The following RIMS2 variants were observed in gnomAD, a reference collection of about 807,000 sequenced individuals.
RIMS2 encodes the protein regulating synaptic membrane exocytosis protein 2.
A neutral mutation model predicts 174.4 loss-of-function variants in RIMS2; 59 were observed. The observed-to-expected ratio is 0.34, with a 90% CI of 0.27 to 0.42. RIMS2 has a LOEUF of 0.42. Ranked by LOEUF, RIMS2 falls within the 10% of genes least tolerant of loss-of-function variation. RIMS2 has a pLI of 1.00. For missense variants in RIMS2, 1,620 were observed against 1,666.3 expected (o/e 0.97, Z 0.48); for synonymous variants, 606 against 572.5 (o/e 1.06, Z -0.84).
intron 3 of RIMS2, among the ~76,000 whole-genome samples, chr8:103,883,593 T>TA (rs1326300979): frequency 6.6e-6 from 1 of 151,894 alleles, no homozygotes; most frequent in Non-Finnish European, 1.5e-5. Flanking sequence ...ATGTAAATGC[T>TA]AAAAAATATC....
At chr8:103,606,334 G>A (rs1351551391) in intron 1 of RIMS2, among the ~76,000 whole-genome samples, 2 of 151,048 alleles carry the variant, frequency 1.3e-5, no homozygotes, top group African/African-American at 4.9e-5. Flanking sequence ...TTAATCCTGA[G>A]TTCTAGTTTG....
intron 3 of RIMS2, among the ~76,000 whole-genome samples, chr8:103,846,464 C>T (rs898096848): frequency 6.6e-6 from 1 of 152,092 alleles, no homozygotes; most frequent in Admixed American, 6.6e-5. Flanking sequence ...AGTTTTTTCT[C>T]TTATCTATAT....
rs150126003 is a variant in RIMS2 at position 104,233,208 on chromosome 8, T to A, written c.3335-11708T>A. ...GTTTTTTCATATAGAGCATAATAAATTCCTCCTCAGAAGGACAACCTTAAA... is the reference window on the plus strand; with the variant it reads ...GTTTTTTCATATAGAGCATAATAAAATCCTCCTCAGAAGGACAACCTTAAA... On this transcript the variant is annotated intron_variant, in intron 19 of 23. Coordinates refer to ENST00000504942, the Ensembl canonical transcript of RIMS2. Among the ~76,000 whole-genome samples, 324 of 152,238 alleles carry A rather than the reference T, an allele frequency of 2.1e-3. 1 individual carries two copies. Among genetic ancestry groups the A allele is most frequent in the African/African-American group, 7.3e-3 (305 of 41,564 alleles).
At chr8:103,638,916 A>G (rs538647057) in intron 1 of RIMS2, among the ~76,000 whole-genome samples, 7 of 152,120 alleles carry the variant, frequency 4.6e-5, no homozygotes, top group African/African-American at 9.6e-5. Context: ...TTATTCATCT[A>G]TCATCTATCT....
At chr8:103,933,794 T>G (rs1291830569) in intron 12 of RIMS2, among the ~76,000 whole-genome samples, 1 of 152,240 alleles carries the variant, frequency 6.6e-6, no homozygotes, top group South Asian at 2.1e-4. Context: ...TATTTGTGGT[T>G]GACACAAGTT....
exon 4 of RIMS2, chr8:103,885,531 A>T (rs2099195225): frequency 1.2e-6 from 2 of 1,612,140 alleles, no homozygotes; most frequent in Non-Finnish European, 1.7e-6. Flanking sequence ...ATTGTAGATG[A>T]TGAGGATGTG....
Position 103,937,572 on chromosome 8 carries a change from T to C in RIMS2, c.2547+850T>C, listed in dbSNP as rs80254912. Among the ~76,000 whole-genome samples, 274 of 152,200 alleles carry C rather than the reference T, an allele frequency of 1.8e-3. 1 individual carries two copies. The highest frequency in any genetic ancestry group is 6.5e-3 in the African/African-American group (269 of 41,508). On this transcript the variant is annotated intron_variant, in intron 13 of 23. Coordinates refer to ENST00000504942, the Ensembl canonical transcript of RIMS2. ...TTAGAATATAACATGCCAATTGATA[T>C]GAAGAGGAAAATGCAATAGGAATAC...
chr8:103,589,564 A>G (rs2094144716), intron 1 of RIMS2, among the ~76,000 whole-genome samples: 1 of 151,664 alleles, frequency 6.6e-6, no homozygotes, highest in South Asian at 2.1e-4. Context: ...ATGATACAGT[A>G]CACCCACTGC....
At chr8:103,840,630 T>C (rs990022594) in intron 3 of RIMS2, among the ~76,000 whole-genome samples, 6 of 152,106 alleles carry the variant, frequency 3.9e-5, no homozygotes, top group African/African-American at 1.4e-4. Context: ...TCCGTTCATA[T>C]GTTAACTTTA....
At chr8:103,615,961 A>G (rs2095494389) in intron 1 of RIMS2, among the ~76,000 whole-genome samples, 1 of 152,210 alleles carries the variant, frequency 6.6e-6, no homozygotes, top group East Asian at 1.9e-4. Flanking sequence ...ATGTGGTACC[A>G]TTCCTACAGA....
At chr8:103,756,925 A>G (rs2098020634) in intron 2 of RIMS2, among the ~76,000 whole-genome samples, 1 of 151,612 alleles carries the variant, frequency 6.6e-6, no homozygotes, top group Non-Finnish European at 1.5e-5. Context: ...CCAATCAAAT[A>G]GTGTTCAAAT....
At chr8:103,707,668 T>C (rs1174666119) in intron 2 of RIMS2, among the ~76,000 whole-genome samples, 1 of 152,190 alleles carries the variant, frequency 6.6e-6, no homozygotes, top group Non-Finnish European at 1.5e-5. Context: ...GGCACTGCTG[T>C]GACCATAGCA....
chr8:103,607,592 G>A (rs550086998), intron 1 of RIMS2, among the ~76,000 whole-genome samples: 2 of 146,142 alleles, frequency 1.4e-5, no homozygotes, highest in South Asian at 2.1e-4. Flanking sequence ...ATCCTGCAGA[G>A]TGTTTTCCAA....
chr8:103,583,055 T>A (rs2093702828), intron 1 of RIMS2, among the ~76,000 whole-genome samples: 1 of 152,210 alleles, frequency 6.6e-6, no homozygotes, highest in South Asian at 2.1e-4. Context: ...GGTGATTGTG[T>A]CACTCCACCC....
chr8:104,162,240 A>G (rs1297144490), intron 19 of RIMS2, among the ~76,000 whole-genome samples: 2 of 152,196 alleles, frequency 1.3e-5, no homozygotes, highest in African/African-American at 4.8e-5. Flanking sequence ...CATATTTTTG[A>G]AGTTATTATA....
Position 103,554,466 on chromosome 8 carries a change from C to G in RIMS2, c.176+53404C>G, listed in dbSNP as rs531101602. Among the ~76,000 whole-genome samples, 6 of 152,140 alleles carry G rather than the reference C, an allele frequency of 3.9e-5. No individual in the cohort carries two copies. The East Asian group carries it at 9.7e-4, about 25-fold the overall frequency. On this transcript the variant is annotated intron_variant, in intron 1 of 23. Transcript: ENST00000504942. ...TGCTCATCTTACCATTAGAGAAATG[C>G]AAATCAAAACCATGATGAGATACCA...
At chr8:103,914,388 G>C (rs2076283936) in intron 6 of RIMS2, among the ~76,000 whole-genome samples, 1 of 152,262 alleles carries the variant, frequency 6.6e-6, no homozygotes, top group African/African-American at 2.4e-5. Context: ...CCTGTTCGAT[G>C]AGGATAATTG....
In RIMS2 at chr8:103,504,700, G is replaced by A. The variant is rs193223526; in HGVS notation, c.176+3638G>A. 1.9e-3 allele frequency among the ~76,000 whole-genome samples: 294 copies of A among 151,926 alleles called. 2 individuals are homozygous for A. Among genetic ancestry groups the A allele is most frequent in the African/African-American group, 6.9e-3 (285 of 41,468 alleles). ...AGTAAAAATTTTCCTGATAGGTTAG[G>A]ATAACAATTAGTATATATTTAGCAC... On this transcript the variant is annotated intron_variant, in intron 1 of 23. Transcript: ENST00000504942.
intron 3 of RIMS2, among the ~76,000 whole-genome samples, chr8:103,880,045 T>G (rs1292694784): frequency 6.6e-6 from 1 of 151,664 alleles, no homozygotes; most frequent in Non-Finnish European, 1.5e-5. Flanking sequence ...AACTGCTGCT[T>G]CTTGAACCTT....
Sources: allele counts gnomAD v4.1 joint callset (sites outside exome capture counted in the v4.1 genomes callset), GRCh38; gene constraint gnomAD v4.1.1; transcripts MANE v1.5; gene names NCBI Gene and HGNC (gene_info 2026-07-23, HGNC 2026-07-21).